The following FHOD3 variants were observed in gnomAD, a reference collection of about 807,000 sequenced individuals.
The protein encoded by FHOD3 is formin homology 2 domain containing 3.
FHOD3 carries 90 observed loss-of-function variants against 173.0 expected under a neutral mutation model. The ratio of observed to expected loss-of-function variants is 0.52; its 90% CI spans 0.44 to 0.62. The LOEUF (loss-of-function observed/expected upper bound fraction) is 0.62, where lower values mean the gene tolerates loss of function less well. Among genes scored for constraint, FHOD3 ranks in the 20% least tolerant of loss-of-function variants. FHOD3 has a pLI of 0.00. For synonymous variants in FHOD3, 828 were observed against 823.0 expected (o/e 1.01, Z -0.10); for missense variants, 1,945 against 2,034.7 (o/e 0.96, Z 0.85).
intron 19 of FHOD3, among the ~76,000 whole-genome samples, chr18:36,720,692 CCCTCCTTCT>C (rs755045021): frequency 3.6e-5 from 4 of 112,574 alleles, no homozygotes; most frequent in African/African-American, 1.4e-4. Flanking sequence ...TTCCTCCTCC[CCCTCCTTCT>C]CCTCCTCCTC....
intron 3 of FHOD3, among the ~76,000 whole-genome samples, chr18:36,479,505 T>C (rs1422671037): frequency 6.6e-6 from 1 of 152,220 alleles, no homozygotes; most frequent in Non-Finnish European, 1.5e-5. Flanking sequence ...TGAAAATTTC[T>C]GCCACATTGT....
At chr18:36,663,252 TCAA>T (rs1413768713) in intron 14 of FHOD3, among the ~76,000 whole-genome samples, 18 of 152,330 alleles carry the variant, frequency 1.2e-4, no homozygotes, top group South Asian at 8.3e-4. Flanking sequence ...TTTCATACAT[TCAA>T]CAACATGTAT....
intron 7 of FHOD3, among the ~76,000 whole-genome samples, chr18:36,595,746 A>G (rs371299448): frequency 3.3e-5 from 5 of 152,234 alleles, no homozygotes; most frequent in Non-Finnish European, 7.3e-5. Context: ...GGACCCCGTG[A>G]TATTGGGAAG....
At chr18:36,318,684 T>C (rs1178757745) in intron 1 of FHOD3, among the ~76,000 whole-genome samples, 1 of 152,240 alleles carries the variant, frequency 6.6e-6, no homozygotes, top group Non-Finnish European at 1.5e-5. Flanking sequence ...ACAGTTTGAC[T>C]TCCTCTTTTC....
At chr18:36,689,622 A>C (rs1374526871) in intron 16 of FHOD3, among the ~76,000 whole-genome samples, 2 of 152,224 alleles carry the variant, frequency 1.3e-5, no homozygotes, top group African/African-American at 4.8e-5. Flanking sequence ...TTAAAATGAC[A>C]TTCACAAATA....
chr18:36,520,617 A>G (rs12961352), intron 5 of FHOD3, among the ~76,000 whole-genome samples: 1 of 152,148 alleles, frequency 6.6e-6, no homozygotes, highest in Non-Finnish European at 1.5e-5. Context: ...TTGCAAACCA[A>G]AAAAAGCCCT....
chr18:36,647,318 A>T (rs960610401), intron 10 of FHOD3, among the ~76,000 whole-genome samples: 2 of 152,250 alleles, frequency 1.3e-5, no homozygotes, highest in Non-Finnish European at 2.9e-5. Flanking sequence ...ACTTCAAAGA[A>T]GAGCATATCC....
intron 24 of FHOD3, among the ~76,000 whole-genome samples, chr18:36,748,382 A>AACACACACACACACACACAAC (rs2042251224): frequency 5.6e-5 from 8 of 143,482 alleles, no homozygotes; most frequent in Non-Finnish European, 1.1e-4. Context: ...ACACACACAC[A>AACACACACACACACACACAAC]ACACACACAC....
chr18:36,358,714 C>G (rs1202173276), intron 2 of FHOD3, among the ~76,000 whole-genome samples: 2 of 152,068 alleles, frequency 1.3e-5, no homozygotes, highest in Non-Finnish European at 2.9e-5. Context: ...CTTTCTTTGT[C>G]ACCCAGGCTG....
intron 5 of FHOD3, among the ~76,000 whole-genome samples, chr18:36,528,913 G>A (rs151221454): frequency 4.3e-4 from 66 of 152,224 alleles, no homozygotes; most frequent in Non-Finnish European, 6.8e-4. Flanking sequence ...CTCATTTCTC[G>A]CACACTCACT....
chr18:36,505,833 G>C (rs1002699934), intron 4 of FHOD3, among the ~76,000 whole-genome samples: 14 of 152,136 alleles, frequency 9.2e-5, no homozygotes, highest in Admixed American at 6.6e-4. Context: ...TGGGAAATAC[G>C]GGTGCCAAGG....
intron 14 of FHOD3, among the ~76,000 whole-genome samples, chr18:36,670,635 C>A (rs539316932): frequency 1.1e-4 from 16 of 152,258 alleles, no homozygotes; most frequent in Admixed American, 3.3e-4. Flanking sequence ...CCAACTAATT[C>A]TATCATCTGT....
chr18:36,776,652 T>C (rs2043676433), intron 28 of FHOD3, among the ~76,000 whole-genome samples: 1 of 152,222 alleles, frequency 6.6e-6, no homozygotes, highest in Non-Finnish European at 1.5e-5. Context: ...CCATGAATAC[T>C]CGCTTTTCAG....
intron 3 of FHOD3, among the ~76,000 whole-genome samples, chr18:36,409,381 CCCTTCCTCA>C (rs1048294191): frequency 2.2e-4 from 34 of 152,288 alleles, no homozygotes; most frequent in East Asian, 1.2e-3. Flanking sequence ...TGTCTGATCA[CCCTTCCTCA>C]CCTTCCTCAC....
At chr18:36,491,845 G>C (rs1463070219) in intron 3 of FHOD3, among the ~76,000 whole-genome samples, 1 of 152,120 alleles carries the variant, frequency 6.6e-6, no homozygotes, top group African/African-American at 2.4e-5. Flanking sequence ...ACACTCCATT[G>C]TATGGATGTT....
chr18:36,367,432 C>A (rs2046953111), intron 2 of FHOD3, among the ~76,000 whole-genome samples: 1 of 152,198 alleles, frequency 6.6e-6, no homozygotes, highest in East Asian at 1.9e-4. Context: ...TCCGAGTCTC[C>A]CTGGGGAGAT....
intron 15 of FHOD3, among the ~76,000 whole-genome samples, chr18:36,685,461 A>G (rs987098619): frequency 1.3e-5 from 2 of 152,216 alleles, no homozygotes; most frequent in Non-Finnish European, 2.9e-5. Flanking sequence ...CATTTCATTG[A>G]TTTAAATTGT....
intron 27 of FHOD3, among the ~76,000 whole-genome samples, chr18:36,763,187 ATG>A (rs1254344761): frequency 4.1e-5 from 6 of 147,936 alleles, no homozygotes; most frequent in Non-Finnish European, 8.9e-5. Flanking sequence ...TACGCTATAT[ATG>A]TGTATTATAT....
chr18:36,726,400 G>C (rs1256822435), intron 19 of FHOD3, among the ~76,000 whole-genome samples: 1 of 152,102 alleles, frequency 6.6e-6, no homozygotes, highest in African/African-American at 2.4e-5. Context: ...ACAACTTTCT[G>C]ATTTCCTACT....
Sources: gnomAD v4.1 joint callset for allele counts (sites outside exome capture counted in the v4.1 genomes callset) on GRCh38, gnomAD v4.1.1 for gene constraint, MANE v1.5 for transcripts, NCBI Gene and HGNC (gene_info 2026-07-23, HGNC 2026-07-21) for gene names.